Variants in FMN2 observed in about 807,000 individuals in gnomAD.
FMN2 encodes the protein formin 2, also known as formin-2.
FMN2 carries 51 observed loss-of-function variants against 142.3 expected under a neutral mutation model. That is an observed-to-expected ratio of 0.36 (90% CI 0.29 to 0.45). FMN2 has a LOEUF of 0.45. Ranked by LOEUF, FMN2 falls within the 20% of genes least tolerant of loss-of-function variation. FMN2 has a pLI of 1.00. For synonymous variants in FMN2, 882 were observed against 869.8 expected (o/e 1.01, Z -0.25); for missense variants, 1,936 against 2,122.8 (o/e 0.91, Z 1.73).
chr1:240,364,184 C>T (rs770608190), intron 14 of FMN2, among the ~76,000 whole-genome samples: 3 of 151,994 alleles, frequency 2.0e-5, no homozygotes, highest in Non-Finnish European at 4.4e-5. Context: ...GACTGAAATA[C>T]AATAGATGGC....
At chr1:240,190,202 G>A (rs7544675) in intron 4 of FMN2, among the ~76,000 whole-genome samples, 31,720 of 152,096 alleles carry the variant, frequency 0.21, 3,403 homozygotes, top group Middle Eastern at 0.34. Context: ...TTTACAACTT[G>A]AAGACTCAAG....
At chr1:240,384,344 A>C (rs1447174507) in intron 14 of FMN2, among the ~76,000 whole-genome samples, 1 of 152,238 alleles carries the variant, frequency 6.6e-6, no homozygotes, top group African/African-American at 2.4e-5. Context: ...AAAAATAAAT[A>C]AAATGAACAC....
chr1:240,198,533 A>T (rs906551771), intron 4 of FMN2, among the ~76,000 whole-genome samples: 2 of 152,114 alleles, frequency 1.3e-5, no homozygotes, highest in African/African-American at 2.4e-5. Context: ...TATACTAAGG[A>T]TTCTAGAGAT....
rs1272648088 is a variant in FMN2 at position 240,145,267 on chromosome 1, G to A, written c.1782+21922G>A. On this transcript the variant is annotated intron_variant, in intron 2 of 17. Coordinates refer to ENST00000319653, the MANE Select transcript of FMN2 (RefSeq NM_020066.5). Reference sequence around the variant, plus strand: ...GCTCCTGTTCTTTGTCCTTGTCCCCGGCATCCCGCCGCTCCTTGCCGCTTG... The same window carrying A: ...GCTCCTGTTCTTTGTCCTTGTCCCCAGCATCCCGCCGCTCCTTGCCGCTTG... 5 of 1,445,964 alleles carry A rather than the reference G, an allele frequency of 3.5e-6. No homozygotes were observed. In the African/African-American group the frequency reaches 4.2e-5, roughly 12 times the overall value. 89.6% of individuals were successfully genotyped at this position (1,445,964 alleles called of 1,614,324 possible). A position where few individuals can be genotyped will look rare whatever the true frequency, so the allele number is the denominator to read the frequency against.
intron 14 of FMN2, among the ~76,000 whole-genome samples, chr1:240,388,247 A>AAAT: frequency 6.7e-6 from 1 of 149,366 alleles, no homozygotes; most frequent in African/African-American, 2.4e-5. Flanking sequence ...AAAAAAAAAA[A>AAAT]AAAAAAATCA....
At chr1:240,419,787 C>T (rs1398103454) in intron 15 of FMN2, among the ~76,000 whole-genome samples, 1 of 152,070 alleles carries the variant, frequency 6.6e-6, no homozygotes, top group Non-Finnish European at 1.5e-5. Flanking sequence ...TCAGGGGGTC[C>T]TGGATCTGAA....
intron 2 of FMN2, chr1:240,142,637 C>A: frequency 6.3e-7 from 1 of 1,577,828 alleles, no homozygotes; most frequent in Non-Finnish European, 8.6e-7. Flanking sequence ...ACTGATACAT[C>A]AGCTGCAGTT....
At chr1:240,120,343 C>T (rs959977182) in intron 1 of FMN2, among the ~76,000 whole-genome samples, 1 of 152,134 alleles carries the variant, frequency 6.6e-6, no homozygotes, top group Non-Finnish European at 1.5e-5. Context: ...CAAAATTAAA[C>T]CAGTGAAAAA....
intron 3 of FMN2, among the ~76,000 whole-genome samples, chr1:240,181,218 G>A (rs1665136674): frequency 6.6e-6 from 1 of 151,722 alleles, no homozygotes; most frequent in South Asian, 2.1e-4. Flanking sequence ...TGGCCCAGCT[G>A]GTCTTGAACT....
intron 16 of FMN2, among the ~76,000 whole-genome samples, chr1:240,440,868 A>G (rs928500663): frequency 6.6e-6 from 1 of 152,110 alleles, no homozygotes; most frequent in East Asian, 1.9e-4. Context: ...AAAATGCACA[A>G]TTTCTTGTAT....
chr1:240,429,986 C>T (rs1675090616), intron 15 of FMN2, among the ~76,000 whole-genome samples: 1 of 151,544 alleles, frequency 6.6e-6, no homozygotes, highest in Admixed American at 6.6e-5. Context: ...CCCGGGTCCA[C>T]GCCATTCTCC....
At chr1:240,422,678 G>A (rs1036267771) in intron 15 of FMN2, among the ~76,000 whole-genome samples, 39 of 152,156 alleles carry the variant, frequency 2.6e-4, no homozygotes, top group African/African-American at 8.5e-4. Context: ...AGACGTATTA[G>A]TCTTCAAATA....
intron 7 of FMN2, among the ~76,000 whole-genome samples, chr1:240,284,845 A>G (rs1669531602): frequency 6.6e-6 from 1 of 152,116 alleles, no homozygotes. Flanking sequence ...CTAGAGTGTG[A>G]ACCAAGTGCT....
At chr1:240,134,928 AAT>A (rs1015255045) in intron 2 of FMN2, among the ~76,000 whole-genome samples, 2 of 152,118 alleles carry the variant, frequency 1.3e-5, no homozygotes, top group African/African-American at 4.8e-5. Flanking sequence ...GGTAACTGCA[AAT>A]TGTGAAGGGA....
chr1:240,310,796 T>TA (rs1483885102), intron 8 of FMN2, among the ~76,000 whole-genome samples: 1 of 152,160 alleles, frequency 6.6e-6, no homozygotes, highest in African/African-American at 2.4e-5. Context: ...TGAGGAAAAT[T>TA]ACTCATTTTT....
At chr1:240,414,065 T>C (rs867385863) in intron 15 of FMN2, among the ~76,000 whole-genome samples, 1 of 152,358 alleles carries the variant, frequency 6.6e-6, no homozygotes, top group South Asian at 2.1e-4. Context: ...TATTTTCTTT[T>C]TTTAGCTTCA....
At chr1:240,218,492 T>G (rs1033910638) in intron 6 of FMN2, among the ~76,000 whole-genome samples, 1 of 151,836 alleles carries the variant, frequency 6.6e-6, no homozygotes, top group Non-Finnish European at 1.5e-5. Context: ...GGCTGTAGTG[T>G]GCTGTGATTT....
At chr1:240,456,249 T>G (rs1020719258) in intron 16 of FMN2, among the ~76,000 whole-genome samples, 3 of 152,188 alleles carry the variant, frequency 2.0e-5, no homozygotes, top group Non-Finnish European at 2.9e-5. Context: ...AGCTTATTCA[T>G]ATTTTTGTGG....
rs1232746958 is a variant in FMN2, at chr1:240,207,167, T to C, written c.2355T>C (p.Ile785=). 6.2e-7 allele frequency: 1 copy of C among 1,613,996 alleles called. No individual in the cohort carries two copies. The highest frequency in any genetic ancestry group is 1.1e-5 in the South Asian group (1 of 91,080). Residue 785 remains isoleucine (I), a synonymous_variant, in exon 5 of 18, where the codon ATT becomes ATC. Transcript: ENST00000319653. ...SGPQTKFCSE[I]SLIVSPRRIS... is the part of the protein sequence containing the mutation. ...CTCAGACAAAGTTCTGTTCAGAGAT[T>C]TCTTTGATTGTGTCTCCAAGGCGAA...
Sources: gnomAD v4.1 joint callset for allele counts (sites outside exome capture counted in the v4.1 genomes callset) on GRCh38, gnomAD v4.1.1 for gene constraint, MANE v1.5 for transcripts, NCBI Gene and HGNC (gene_info 2026-07-23, HGNC 2026-07-21) for gene names.